DOCK3: variants seen among roughly 807,000 people sequenced by gnomAD.
DOCK3 encodes the protein dedicator of cytokinesis protein 3.
DOCK3 carries 60 observed loss-of-function variants against 265.6 expected under a neutral mutation model. The observed-to-expected ratio is 0.23, with a 90% CI of 0.18 to 0.28. The LOEUF is 0.28. Among genes scored for constraint, DOCK3 ranks in the 10% least tolerant of loss-of-function variants. The pLI, the probability that DOCK3 is intolerant of heterozygous loss-of-function variation, is 1.00. For synonymous variants in DOCK3, 881 were observed against 938.0 expected, an observed-to-expected ratio of 0.94 and a Z score of 1.11; for missense variants, 1,981 against 2,594.3, an observed-to-expected ratio of 0.76 and a Z score of 5.14.
chr3:51,349,971 G>A (rs141037226), intron 39 of DOCK3, among the ~76,000 whole-genome samples: 16 of 152,314 alleles, frequency 1.1e-4, no homozygotes, highest in Middle Eastern at 3.4e-3. Flanking sequence ...TTAAAAGTGT[G>A]CCTCCCAAGT....
At chr3:51,060,009 C>A (rs753700307) in intron 5 of DOCK3, among the ~76,000 whole-genome samples, 12 of 152,094 alleles carry the variant, frequency 7.9e-5, no homozygotes, top group Non-Finnish European at 1.6e-4. Flanking sequence ...CCCCATTTCT[C>A]TGCTTTTAGT....
At chr3:51,199,496 G>A (rs890488585) in intron 12 of DOCK3, among the ~76,000 whole-genome samples, 7 of 152,348 alleles carry the variant, frequency 4.6e-5, no homozygotes, top group South Asian at 2.1e-4. Flanking sequence ...AGGGGCGCCC[G>A]CCATTGCCCA....
intron 1 of DOCK3, among the ~76,000 whole-genome samples, chr3:50,740,163 A>G (rs2038922827): frequency 1.3e-5 from 2 of 152,116 alleles, no homozygotes; most frequent in Non-Finnish European, 1.5e-5. Context: ...TAGTCTCATT[A>G]TTTTGTGATT....
Position 51,360,508 on chromosome 3 carries a change from C to T in DOCK3, c.4885-3C>T, listed in dbSNP as rs1433342398. On this transcript the variant is annotated splice_polypyrimidine_tract_variant and splice_region_variant and intron_variant, in intron 46 of 52. Coordinates refer to ENST00000266037, the MANE Select transcript of DOCK3 (RefSeq NM_004947.5). ...CTATGAAGGGGCATTCATTTCTCAA[C>T]AGGAGTTTCCAGGTTTGGATAAGCT... 4 of 1,608,610 alleles carry T rather than the reference C, an allele frequency of 2.5e-6. No individual in the cohort carries two copies. The highest frequency in any genetic ancestry group is 3.4e-6 in the Non-Finnish European group (4 of 1,177,240).
At chr3:51,348,655 C>T (rs2085756758) in intron 38 of DOCK3, among the ~76,000 whole-genome samples, 197 bp from the exon 39 acceptor site, 1 of 152,166 alleles carries the variant, frequency 6.6e-6, no homozygotes, top group Non-Finnish European at 1.5e-5. Context: ...GAGCAGAGAC[C>T]TAAAAACTAT....
intron 27 of DOCK3, among the ~76,000 whole-genome samples, chr3:51,296,546 G>A (rs958990012): frequency 4.0e-5 from 6 of 148,906 alleles, no homozygotes; most frequent in African/African-American, 1.2e-4. Context: ...GCGCGATCTC[G>A]GCTCACTGCA....
At chr3:51,087,954 T>G (rs2082491698) in intron 7 of DOCK3, among the ~76,000 whole-genome samples, 1 of 152,272 alleles carries the variant, frequency 6.6e-6, no homozygotes, top group South Asian at 2.1e-4. Context: ...CACCCTTGTG[T>G]TTATTGCAGC....
chr3:51,082,874 G>A (rs1314596699), intron 7 of DOCK3, among the ~76,000 whole-genome samples: 1 of 152,090 alleles, frequency 6.6e-6, no homozygotes, highest in African/African-American at 2.4e-5. Flanking sequence ...GCCATCCAGG[G>A]TGATCAGCCT....
intron 14 of DOCK3, among the ~76,000 whole-genome samples, chr3:51,214,616 G>A (rs2089680741): frequency 6.6e-6 from 1 of 152,178 alleles, no homozygotes; most frequent in African/African-American, 2.4e-5. Flanking sequence ...AGAACTTACT[G>A]CTTAAGGGGA....
intron 3 of DOCK3, among the ~76,000 whole-genome samples, chr3:50,869,342 A>ATTTTTTTT (rs755531254): frequency 0.026 from 1,788 of 70,102 alleles, 881 homozygotes; most frequent in South Asian, 0.032. Context: ...TCTGCTGGGA[A>ATTTTTTTT]TTTTTTTTTT....
chr3:50,685,914 G>C (rs1205643888), intron 1 of DOCK3: 1 of 152,484 alleles, frequency 6.6e-6, no homozygotes, highest in African/African-American at 2.4e-5. Context: ...TTTTGTAGGA[G>C]TTCTTTATAT....
intron 5 of DOCK3, among the ~76,000 whole-genome samples, chr3:50,945,536 A>G (rs2076404352): frequency 6.6e-6 from 1 of 152,156 alleles, no homozygotes; most frequent in Non-Finnish European, 1.5e-5. Context: ...TCTAGATTTT[A>G]TGAGAAACAA....
intron 5 of DOCK3, among the ~76,000 whole-genome samples, chr3:50,980,429 G>A (rs1016811535): frequency 2.6e-5 from 4 of 152,082 alleles, no homozygotes; most frequent in Non-Finnish European, 5.9e-5. Flanking sequence ...TCTTTTTTGT[G>A]TGTGTTCTTG....
chr3:51,172,975 T>C (rs1250667012), intron 12 of DOCK3, among the ~76,000 whole-genome samples: 1 of 152,232 alleles, frequency 6.6e-6, no homozygotes, highest in East Asian at 1.9e-4. Context: ...CATATTTACA[T>C]GTTGTAACCA....
At chr3:51,085,888 C>G (rs2082401134) in intron 7 of DOCK3, among the ~76,000 whole-genome samples, 1 of 152,016 alleles carries the variant, frequency 6.6e-6, no homozygotes, top group Non-Finnish European at 1.5e-5. Flanking sequence ...AGTTGGTTTT[C>G]TGAAAAGATA....
rs34862284 is a variant in DOCK3, at chr3:51,196,102, A to AT, written c.1038-12657dup. On this transcript the variant is annotated intron_variant, in intron 12 of 52. Coordinates refer to ENST00000266037, the MANE Select transcript of DOCK3 (RefSeq NM_004947.5). ...AGGCACACTTCACCACGCCCAGCTAATTTTTTTTTTTTTTTCAAAGATTGG... is the reference window on the plus strand; with the variant it reads ...AGGCACACTTCACCACGCCCAGCTAATTTTTTTTTTTTTTTTCAAAGATTGG... Among the ~76,000 whole-genome samples, 10 of 142,586 alleles carry AT rather than the reference A, an allele frequency of 7.0e-5. 1 individual carries two copies. Among genetic ancestry groups the AT allele is most frequent in the South Asian group, 2.3e-4 (1 of 4,412 alleles). The allele number at this position is 142,586 out of a possible 152,430, so 93.5% of individuals were successfully genotyped here.
chr3:51,367,817 C>T (rs2087341827), intron 49 of DOCK3, among the ~76,000 whole-genome samples: 1 of 152,166 alleles, frequency 6.6e-6, no homozygotes, highest in African/African-American at 2.4e-5. Flanking sequence ...TGAATATTGG[C>T]CCCCACTCTC....
At chr3:50,816,612 T>A (rs1474345378) in intron 2 of DOCK3, among the ~76,000 whole-genome samples, 1 of 152,076 alleles carries the variant, frequency 6.6e-6, no homozygotes, top group African/African-American at 2.4e-5. Flanking sequence ...TGAGCCACTG[T>A]GCCCGGCCTC....
At chr3:51,058,826 A>G (rs545939352) in intron 5 of DOCK3, among the ~76,000 whole-genome samples, 27 of 152,142 alleles carry the variant, frequency 1.8e-4, no homozygotes, top group African/African-American at 5.8e-4. Flanking sequence ...TTTTTAAGGT[A>G]ATAAATACAA....
Sources: gnomAD v4.1 joint callset for allele counts (sites outside exome capture counted in the v4.1 genomes callset) on GRCh38, gnomAD v4.1.1 for gene constraint, MANE v1.5 for transcripts, NCBI Gene and HGNC (gene_info 2026-07-23, HGNC 2026-07-21) for gene names.